Variants in MED12L observed in about 807,000 individuals in gnomAD.
MED12L encodes mediator of RNA polymerase II transcription subunit 12-like protein.
MED12L carries 60 observed loss-of-function variants against 281.3 expected under a neutral mutation model. That is an observed-to-expected ratio of 0.21 (90% CI 0.17 to 0.26). MED12L has a LOEUF of 0.26. Ranked by LOEUF, MED12L falls within the 10% of genes least tolerant of loss-of-function variation. The probability of loss-of-function intolerance (pLI) is 1.00; values close to 1 mark genes in which losing one functional copy is unlikely to be tolerated. For synonymous variants in MED12L, 974 were observed against 987.2 expected, an observed-to-expected ratio of 0.99 and a Z score of 0.25; for missense variants, 2,146 against 2,680.9, an observed-to-expected ratio of 0.80 and a Z score of 4.41.
intron 7 of MED12L, among the ~76,000 whole-genome samples, chr3:151,159,625 T>C (rs954994440): frequency 3.9e-5 from 6 of 152,242 alleles, no homozygotes; most frequent in Non-Finnish European, 8.8e-5. Flanking sequence ...ATTATTCTAA[T>C]TTTTGCCTGT....
chr3:151,134,956 C>G (rs954464899), intron 5 of MED12L, among the ~76,000 whole-genome samples: 1 of 151,918 alleles, frequency 6.6e-6, no homozygotes, highest in African/African-American at 2.4e-5. Context: ...TTTATTATTA[C>G]TATTATTGTT....
intron 40 of MED12L, 140 bp from the exon 41 acceptor site, chr3:151,411,138 A>C: frequency 2.9e-6 from 2 of 679,582 alleles, no homozygotes; most frequent in Non-Finnish European, 5.1e-6. Flanking sequence ...TCCTCCTCAA[A>C]TTTTGAGTTA....
chr3:151,098,734 T>TA lies in MED12L; in HGVS notation c.99+11709_99+11710insA, dbSNP rs199797454. 5.3e-3 allele frequency among the ~76,000 whole-genome samples: 808 copies of TA among 152,254 alleles called. 14 individuals carry two copies. The highest frequency in any genetic ancestry group is 0.044 in the South Asian group (212 of 4,822). ...TCCAAATGAGGTCACATTAACAGGT[T>TA]GTGGGATTTGATGTGAATATCTTTT... is the stretch of plus-strand genomic sequence containing the variant. On this transcript the variant is annotated intron_variant, in intron 2 of 44. Coordinates refer to ENST00000687756, the MANE Select transcript of MED12L (RefSeq NM_001393769.1).
chr3:151,384,426 T>A (rs1258944567), intron 35 of MED12L, among the ~76,000 whole-genome samples: 1 of 152,242 alleles, frequency 6.6e-6, no homozygotes, highest in Admixed American at 6.5e-5. Context: ...ACAATTACAT[T>A]ATAAAACATG....
intron 36 of MED12L, among the ~76,000 whole-genome samples, chr3:151,387,551 A>G (rs1030416447): frequency 1.3e-5 from 2 of 152,210 alleles, no homozygotes; most frequent in Non-Finnish European, 2.9e-5. Context: ...ACACATTAAC[A>G]ATAAAATATG....
chr3:151,276,493 G>GT (rs752407620), intron 16 of MED12L, among the ~76,000 whole-genome samples: 2 of 152,208 alleles, frequency 1.3e-5, no homozygotes, highest in Non-Finnish European at 1.5e-5. Flanking sequence ...GGACTGGTCT[G>GT]TTTTTGGTAT....
chr3:151,414,180 C>T (rs1717286930), intron 42 of MED12L, among the ~76,000 whole-genome samples: 1 of 152,094 alleles, frequency 6.6e-6, no homozygotes, highest in African/African-American at 2.4e-5. Context: ...TTCTGACTTG[C>T]TTATTTAAAA....
At chr3:151,299,403 C>CTTT (rs1559999744) in intron 16 of MED12L, among the ~76,000 whole-genome samples, 100 of 7,662 alleles carry the variant, frequency 0.013, no homozygotes, top group African/African-American at 0.025. Context: ...TTCTTTTCCC[C>CTTT]TCCCCTCCCC....
intron 16 of MED12L, chr3:151,338,400 C>T (rs1751331856): frequency 6.2e-7 from 1 of 1,613,986 alleles, no homozygotes; most frequent in Admixed American, 1.7e-5. Flanking sequence ...CATGAATGCC[C>T]AGATGACAAC....
intron 16 of MED12L, among the ~76,000 whole-genome samples, chr3:151,333,073 A>C (rs751558954): frequency 6.6e-6 from 1 of 152,180 alleles, no homozygotes; most frequent in Non-Finnish European, 1.5e-5. Context: ...AAAGGACACG[A>C]TCTCTTTCTT....
chr3:151,191,168 T>C (rs1723927815), intron 14 of MED12L, among the ~76,000 whole-genome samples: 1 of 152,218 alleles, frequency 6.6e-6, no homozygotes, highest in Non-Finnish European at 1.5e-5. Flanking sequence ...TGACAGGCCA[T>C]AACATTTTTC....
chr3:151,214,239 A>G (rs147778131), intron 16 of MED12L: 76 of 1,613,954 alleles, frequency 4.7e-5, no homozygotes, highest in East Asian at 1.3e-4. Flanking sequence ...AGTACAGCAC[A>G]GGAATGATCT....
chr3:151,089,636 GGTGGAACCCATGAACGAAGACCCAT>G (rs1719760130), intron 2 of MED12L, among the ~76,000 whole-genome samples: 1 of 151,366 alleles, frequency 6.6e-6, no homozygotes, highest in Admixed American at 6.6e-5. Flanking sequence ...CAGAAGGTAG[GGTGGAACCCATGAACGAAGACCCAT>G]GTGGAGAAGT....
intron 16 of MED12L, chr3:151,337,666 G>A: frequency 1.4e-6 from 1 of 737,630 alleles, no homozygotes; most frequent in South Asian, 1.9e-5. Flanking sequence ...TACTGGAAAG[G>A]TAAATGAAAA....
intron 16 of MED12L, among the ~76,000 whole-genome samples, chr3:151,314,971 A>ACT (rs943195776): frequency 4.6e-5 from 7 of 152,114 alleles, no homozygotes; most frequent in Admixed American, 4.6e-4. Context: ...TTAAACCCAA[A>ACT]CTACTGCCTC....
At chr3:151,229,882 C>G (rs1020982016) in intron 16 of MED12L, among the ~76,000 whole-genome samples, 1 of 152,188 alleles carries the variant, frequency 6.6e-6, no homozygotes, top group Non-Finnish European at 1.5e-5. Flanking sequence ...TTTTATGCAG[C>G]TTGAAGATGT....
intron 12 of MED12L, 170 bp from the exon 13 acceptor site, chr3:151,188,184 G>T: frequency 2.1e-6 from 1 of 480,080 alleles, no homozygotes; most frequent in South Asian, 3.6e-5. Context: ...TACTTGGATG[G>T]AGAAATTATA....
chr3:151,359,890 T>A (rs1335940288), intron 20 of MED12L, among the ~76,000 whole-genome samples: 1 of 151,872 alleles, frequency 6.6e-6, no homozygotes, highest in East Asian at 1.9e-4. Flanking sequence ...ACTACAGGAG[T>A]TATACAGAAT....
chr3:151,173,766 A>G (rs985262869), intron 11 of MED12L, among the ~76,000 whole-genome samples: 1 of 152,166 alleles, frequency 6.6e-6, no homozygotes, highest in African/African-American at 2.4e-5. Context: ...TACTAATAGA[A>G]TCCACTTCGT....
Sources: gnomAD v4.1 joint callset for allele counts (sites outside exome capture counted in the v4.1 genomes callset) on GRCh38, gnomAD v4.1.1 for gene constraint, MANE v1.5 for transcripts, NCBI Gene and HGNC (gene_info 2026-07-23, HGNC 2026-07-21) for gene names.